CFAP77: variants seen among roughly 807,000 people sequenced by gnomAD.
CFAP77 encodes cilia- and flagella-associated protein 77.
CFAP77 carries 25 observed loss-of-function variants against 31.1 expected under a neutral mutation model. The ratio of observed to expected loss-of-function variants is 0.80; its 90% CI spans 0.59 to 1.12. The LOEUF is 1.12. CFAP77 is among the 50% of genes most tolerant of loss of function. The probability of loss-of-function intolerance (pLI) is 0.00; values close to 1 mark genes in which losing one functional copy is unlikely to be tolerated. For synonymous variants in CFAP77, 151 were observed against 159.9 expected (o/e 0.94, Z 0.42); for missense variants, 377 against 397.3 (o/e 0.95, Z 0.44).
intron 4 of CFAP77, among the ~76,000 whole-genome samples, chr9:132,541,192 G>T (rs1852634519): frequency 1.3e-5 from 2 of 152,168 alleles, no homozygotes. Context: ...GACCCCAGAT[G>T]AAATTCGTGG....
intron 3 of CFAP77, among the ~76,000 whole-genome samples, chr9:132,507,422 A>G (rs1851950398): frequency 6.6e-6 from 1 of 152,228 alleles, no homozygotes; most frequent in Admixed American, 6.5e-5. Context: ...CCATGGAAAC[A>G]TAAGAAACAT....
chr9:132,493,159 A>G (rs2118944178), intron 1 of CFAP77, among the ~76,000 whole-genome samples: 1 of 152,240 alleles, frequency 6.6e-6, no homozygotes, highest in Middle Eastern at 3.4e-3. Flanking sequence ...GCCCAAGAAG[A>G]AAGGAAGTCC....
In CFAP77 at chr9:132,481,861, A is replaced by G. The variant is rs1851450576; in HGVS notation, c.196-16834A>G. On this transcript the variant is annotated intron_variant, in intron 1 of 5. Coordinates refer to ENST00000393216, the MANE Select transcript of CFAP77 (RefSeq NM_001282957.2). This position sits in a 1 kb window ranked among gnomAD's most constrained non-coding sequence, Gnocchi z 5.0. Reference sequence around the variant, plus strand: ...CACTTTTTATTGACATGGAAATAAAACTTACAATCAATAAGATATTATGAA... The same window carrying G: ...CACTTTTTATTGACATGGAAATAAAGCTTACAATCAATAAGATATTATGAA... Among the ~76,000 whole-genome samples, 2 of 151,976 alleles carry G rather than the reference A, an allele frequency of 1.3e-5. No individual in the cohort carries two copies. The highest frequency in any genetic ancestry group is 1.3e-4 in the Admixed American group (2 of 15,258).
At chr9:132,429,129 G>T (rs1850361813) in intron 1 of CFAP77, among the ~76,000 whole-genome samples, 1 of 151,976 alleles carries the variant, frequency 6.6e-6, no homozygotes, top group Non-Finnish European at 1.5e-5. Context: ...GCCTGTGGAT[G>T]TTTTTTCTCG....
intron 5 of CFAP77, among the ~76,000 whole-genome samples, chr9:132,571,292 G>A (rs1315634987): frequency 6.6e-6 from 1 of 152,076 alleles, no homozygotes; most frequent in Non-Finnish European, 1.5e-5. Context: ...ACAAAGTTGA[G>A]CTCTCTTGGA....
Position 132,531,627 on chromosome 9 carries a change from G to GCGC in CFAP77, c.525-5974_525-5973insCGC, listed in dbSNP as rs60407761. Among the ~76,000 whole-genome samples the GCGC allele has an allele frequency of 1.8e-3, 266 of 144,344 alleles. 5 individuals carry two copies. The highest frequency in any genetic ancestry group is 6.2e-3 in the African/African-American group (239 of 38,482). 94.7% of individuals were successfully genotyped at this position (144,344 alleles called of 152,430 possible). ...GAGTCTGGGCTTAGGCTAAGACATG[G>GCGC]GGGGGGGGGCATGGAAGGCATTTTA... On this transcript the variant is annotated intron_variant, in intron 3 of 5. Transcript: ENST00000393216.
intron 5 of CFAP77, among the ~76,000 whole-genome samples, chr9:132,549,167 C>G (rs986659997): frequency 2.0e-5 from 3 of 152,188 alleles, no homozygotes; most frequent in Non-Finnish European, 2.9e-5. Context: ...ACCCCCCAAG[C>G]GGGCTTCTAG....
At chr9:132,547,641 C>A (rs934729836) in intron 5 of CFAP77, among the ~76,000 whole-genome samples, 6 of 152,226 alleles carry the variant, frequency 3.9e-5, no homozygotes, top group Admixed American at 1.3e-4. Flanking sequence ...GGCAGCTGCA[C>A]AGCTGGGCTC....
At chr9:132,438,534 TATATA>T (rs1444453160) in intron 1 of CFAP77, among the ~76,000 whole-genome samples, 3 of 118,390 alleles carry the variant, frequency 2.5e-5, no homozygotes, top group Admixed American at 8.2e-5. Flanking sequence ...TATATATATA[TATATA>T]TATTTTTTTT....
chr9:132,487,621 T>A lies in CFAP77; in HGVS notation c.196-11074T>A, dbSNP rs553545318. On this transcript the variant is annotated intron_variant, in intron 1 of 5. Coordinates refer to ENST00000393216, the MANE Select transcript of CFAP77 (RefSeq NM_001282957.2). Reference sequence around the variant, plus strand: ...AACGTGGTTGTAACAGTAGTCCATGTAGAATTTTGAATCCGGCTGTGGTTT... The same window carrying A: ...AACGTGGTTGTAACAGTAGTCCATGAAGAATTTTGAATCCGGCTGTGGTTT... 4.0e-5 allele frequency among the ~76,000 whole-genome samples: 6 copies of A among 151,660 alleles called. 1 individual carries two copies. Among genetic ancestry groups the A allele is most frequent in the East Asian group, 3.9e-4 (2 of 5,170 alleles).
At chr9:132,522,490 T>C (rs187745084) in intron 3 of CFAP77, among the ~76,000 whole-genome samples, 1 of 152,326 alleles carries the variant, frequency 6.6e-6, no homozygotes, top group East Asian at 1.9e-4. Flanking sequence ...ACGGCTGTAA[T>C]TGTTACCACA....
intron 1 of CFAP77, among the ~76,000 whole-genome samples, chr9:132,411,535 G>C (rs1016856186): frequency 1.3e-5 from 2 of 152,176 alleles, no homozygotes; most frequent in African/African-American, 4.8e-5. Context: ...GCACCTGGGG[G>C]AGGCTGGCTT....
Position 132,446,671 on chromosome 9 carries a change from G to A in CFAP77, c.195+36205G>A, listed in dbSNP as rs184350347. On this transcript the variant is annotated intron_variant, in intron 1 of 5. Transcript: ENST00000393216. ...CAGGAGAATAGTGTGAACCCAGGAGGCGGAGCTTGCAGTGAGCAGAGATCA... is the reference window on the plus strand; with the variant it reads ...CAGGAGAATAGTGTGAACCCAGGAGACGGAGCTTGCAGTGAGCAGAGATCA... 1.7e-3 allele frequency among the ~76,000 whole-genome samples: 263 copies of A among 150,952 alleles called. 2 individuals are homozygous for A. Among genetic ancestry groups the A allele is most frequent in the Middle Eastern group, 6.8e-3 (2 of 294 alleles).
Position 132,481,955 on chromosome 9 carries a change from T to G in CFAP77, c.196-16740T>G, listed in dbSNP as rs1342254336. Among the ~76,000 whole-genome samples the G allele has an allele frequency of 5.2e-5, 2 of 38,188 alleles. No individual in the cohort carries two copies. The highest frequency in any genetic ancestry group is 9.3e-4 in the South Asian group (1 of 1,078). The allele number at this position is 38,188 out of a possible 152,430, so 25.1% of individuals were successfully genotyped here. A position where few individuals can be genotyped will look rare whatever the true frequency, so the allele number is the denominator to read the frequency against. Reference sequence around the variant, plus strand: ...GTTCTCAGGAAGGAACAAGGGTTTATGGTTGGGGGGGGGGGGGGCGGCGGA... The same window carrying G: ...GTTCTCAGGAAGGAACAAGGGTTTAGGGTTGGGGGGGGGGGGGGCGGCGGA... On this transcript the variant is annotated intron_variant, in intron 1 of 5. Transcript: ENST00000393216. The surrounding 1 kb of genome is among the most constrained non-coding windows in gnomAD (Gnocchi z 5.0).
chr9:132,438,640 A>G (rs964305410), intron 1 of CFAP77, among the ~76,000 whole-genome samples: 3 of 149,526 alleles, frequency 2.0e-5, no homozygotes, highest in South Asian at 2.1e-4. Flanking sequence ...GGCTCAATCA[A>G]TCCTCCCACC....
At position 132,495,741 on chromosome 9, in the gene CFAP77, G is replaced by A. The variant is rs1244207196; in HGVS notation, c.196-2954G>A. ...TTTGGATGGGATGGCGTTAGCAGGT[G>A]GGTCTTTTAGGAGATGATTAGATCA... On this transcript the variant is annotated intron_variant, in intron 1 of 5. Transcript: ENST00000393216. This position sits in a 1 kb window ranked among gnomAD's most constrained non-coding sequence, Gnocchi z 4.2. Among the ~76,000 whole-genome samples the A allele has an allele frequency of 6.6e-6, 1 of 152,198 alleles. No individual in the cohort carries two copies. The highest frequency in any genetic ancestry group is 6.5e-5 in the Admixed American group (1 of 15,282).
chr9:132,458,202 G>A (rs574818271), intron 1 of CFAP77, among the ~76,000 whole-genome samples: 1 of 152,210 alleles, frequency 6.6e-6, no homozygotes, highest in African/African-American at 2.4e-5. Flanking sequence ...GAGGGACCCC[G>A]TTATCCCGGA....
intron 3 of CFAP77, among the ~76,000 whole-genome samples, chr9:132,522,220 A>G (rs1221907488): frequency 1.3e-5 from 2 of 152,170 alleles, no homozygotes; most frequent in Non-Finnish European, 2.9e-5. Flanking sequence ...CTCTATGTGC[A>G]CCTGGCTTGC....
chr9:132,493,471 G>T (rs368975178), intron 1 of CFAP77, among the ~76,000 whole-genome samples: 1 of 152,326 alleles, frequency 6.6e-6, no homozygotes, highest in South Asian at 2.1e-4. Context: ...CTGGGTCTCC[G>T]CTGTGGACAG....
Sources: allele counts gnomAD v4.1 joint callset (sites outside exome capture counted in the v4.1 genomes callset), GRCh38; gene constraint gnomAD v4.1.1; non-coding constraint Gnocchi (gnomAD v3.1); transcripts MANE v1.5; gene names NCBI Gene and HGNC (gene_info 2026-07-23, HGNC 2026-07-21).